The following SETDB2 variants were observed in gnomAD, a reference collection of about 807,000 sequenced individuals.
SETDB2 encodes the protein SET domain bifurcated histone lysine methyltransferase 2.
In SETDB2, 56 loss-of-function variants were observed where a neutral mutation model predicts 82.5. The observed-to-expected ratio is 0.68, with a 90% CI of 0.55 to 0.85. SETDB2 has a LOEUF of 0.85. SETDB2 is among the 40% of genes least tolerant of loss of function. SETDB2 has a pLI of 0.00. For missense variants in SETDB2, 677 were observed against 816.4 expected (o/e 0.83, Z 2.08); for synonymous variants, 272 against 284.9 (o/e 0.95, Z 0.46).
intron 4 of SETDB2, chr13:49,464,173 A>G: frequency 1.4e-6 from 1 of 702,468 alleles, no homozygotes; most frequent in Non-Finnish European, 2.6e-6. Context: ...TAAGTGAAAG[A>G]TTTGTAACAG....
intron 2 of SETDB2, among the ~76,000 whole-genome samples, chr13:49,453,562 C>A (rs751927686): frequency 6.6e-6 from 1 of 151,968 alleles, no homozygotes; most frequent in African/African-American, 2.4e-5. Context: ...CCTCCCAAAG[C>A]GCTGGGATTA....
In SETDB2 at chr13:49,465,718, G is replaced by A. The variant is rs568399639; in HGVS notation, c.209-2146G>A. 3.3e-5 allele frequency among the ~76,000 whole-genome samples: 5 copies of A among 152,212 alleles called. No individual in the cohort carries two copies. The South Asian group carries it at 1.0e-3, about 32-fold the overall frequency. Reference sequence around the variant, plus strand: ...CACCTGGCTAATTTTTGTGTTTTTAGTGGAGACAGGGTTTCACTATGTTGG... The same window carrying A: ...CACCTGGCTAATTTTTGTGTTTTTAATGGAGACAGGGTTTCACTATGTTGG... On this transcript the variant is annotated intron_variant, in intron 4 of 13. Transcript: ENST00000611815.
chr13:49,486,402 G>C (rs61960003), intron 11 of SETDB2, among the ~76,000 whole-genome samples: 4,543 of 152,188 alleles, frequency 0.03, 104 homozygotes, highest in South Asian at 0.091. Context: ...AATCACAACA[G>C]AGACCACCAC....
At chr13:49,484,845 C>T (rs1288886819) in intron 10 of SETDB2, among the ~76,000 whole-genome samples, 1 of 152,184 alleles carries the variant, frequency 6.6e-6, no homozygotes, top group Non-Finnish European at 1.5e-5. Context: ...TAGCTACCTC[C>T]TTAAGGTCAG....
rs1249674519 is a variant in SETDB2, at chr13:49,460,225, C to A, written c.135C>A (p.Thr45=). Residue 45 remains threonine, a synonymous_variant, in exon 3 of 14, where the codon ACC becomes ACA. Coordinates refer to ENST00000611815, the MANE Select transcript of SETDB2 (RefSeq NM_001160308.3). ...AAAAGATCAAAGATGGGTCTGCCAC[C>A]AATAAAGGTATGAAGCAATAAAAAC... ...LKQKIKDGSA[T]NKEYIQAMIL... is the part of the protein sequence containing the mutation. 6 of 1,612,092 alleles carry A rather than the reference C, an allele frequency of 3.7e-6. No homozygotes were observed. The highest frequency in any genetic ancestry group is 5.1e-6 in the Non-Finnish European group (6 of 1,179,354).
chr13:49,472,348 G>A (rs754955785), intron 5 of SETDB2, among the ~76,000 whole-genome samples: 32 of 152,208 alleles, frequency 2.1e-4, no homozygotes, highest in Non-Finnish European at 4.0e-4. Context: ...TAATCAGTTG[G>A]CAGCCTCTAA....
At chr13:49,461,634 CACAAAGCTTCTG>C (rs1412397080) in intron 4 of SETDB2, among the ~76,000 whole-genome samples, 6 of 152,186 alleles carry the variant, frequency 3.9e-5, no homozygotes, top group Non-Finnish European at 5.9e-5. Flanking sequence ...TTTCTCTTCT[CACAAAGCTTCTG>C]ACACCAAATG....
intron 1 of SETDB2, among the ~76,000 whole-genome samples, chr13:49,450,895 A>G (rs1957772710): frequency 6.6e-6 from 1 of 151,322 alleles, no homozygotes; most frequent in African/African-American, 2.4e-5. Flanking sequence ...TATACTAAAA[A>G]TTAATCTATA....
At chr13:49,461,418 C>G (rs908423695) in intron 4 of SETDB2, among the ~76,000 whole-genome samples, 16 of 152,196 alleles carry the variant, frequency 1.1e-4, no homozygotes, top group African/African-American at 3.9e-4. Context: ...GAAAAAAAGA[C>G]TTTCTTATAT....
At chr13:49,457,800 T>G (rs1224515884) in intron 2 of SETDB2, among the ~76,000 whole-genome samples, 1 of 152,182 alleles carries the variant, frequency 6.6e-6, no homozygotes, top group Non-Finnish European at 1.5e-5. Flanking sequence ...TCACAGCTTT[T>G]TTTTCCTCAG....
At chr13:49,475,140 T>A (rs774371982) in intron 5 of SETDB2, among the ~76,000 whole-genome samples, 1 of 152,154 alleles carries the variant, frequency 6.6e-6, no homozygotes, top group Non-Finnish European at 1.5e-5. Flanking sequence ...GCAAGTCACA[T>A]CTTACATAGA....
chr13:49,472,986 T>A (rs1170551560), intron 5 of SETDB2, among the ~76,000 whole-genome samples: 2 of 152,190 alleles, frequency 1.3e-5, no homozygotes, highest in African/African-American at 4.8e-5. Context: ...CTATTACAAA[T>A]TTTAGTCCTA....
At chr13:49,478,462 A>G (rs1958416151) in intron 6 of SETDB2, among the ~76,000 whole-genome samples, 2 of 152,222 alleles carry the variant, frequency 1.3e-5, no homozygotes, top group Admixed American at 6.5e-5. Context: ...AGCAGCACAC[A>G]GGACTAAACC....
intron 6 of SETDB2, among the ~76,000 whole-genome samples, chr13:49,478,812 G>C (rs972203037): frequency 1.3e-5 from 2 of 152,126 alleles, no homozygotes; most frequent in African/African-American, 2.4e-5. Context: ...TGTAGTCCCA[G>C]CTAGTCGGGA....
In SETDB2 at chr13:49,490,931, A is replaced by T. The variant is rs753393538; in HGVS notation, c.2006+21A>T. ...AACAGGTTTGAAATTGATTTCGCTTACTTAATTCTGAAATTGTGACTTTAA... is the reference window on the plus strand; with the variant it reads ...AACAGGTTTGAAATTGATTTCGCTTTCTTAATTCTGAAATTGTGACTTTAA... On this transcript the variant is annotated intron_variant, in intron 13 of 13. Coordinates refer to ENST00000611815, the MANE Select transcript of SETDB2 (RefSeq NM_001160308.3). The T allele has an allele frequency of 2.5e-5, 39 of 1,581,094 alleles. 1 individual carries two copies. In the South Asian group the frequency reaches 3.1e-4, roughly 13 times the overall value.
At chr13:49,481,254 A>T in intron 8 of SETDB2, 138 bp downstream of exon 8, 1 of 712,530 alleles carries the variant, frequency 1.4e-6, no homozygotes, top group East Asian at 2.7e-5. Flanking sequence ...AGAGAAAGGC[A>T]GGTAAACTGG....
At position 49,481,022 on chromosome 13, in the gene SETDB2, A is replaced by G; in HGVS notation, c.1062A>G (p.Gln354=). ...CQNRVVQHGP[Q]VRLQVFKTEQ... is the part of the protein sequence containing the mutation. Reference sequence around the variant, plus strand: ...ACCGAGTTGTCCAACATGGTCCTCAAGTGAGGTTACAGGTGTTCAAAACTG... The same window carrying G: ...ACCGAGTTGTCCAACATGGTCCTCAGGTGAGGTTACAGGTGTTCAAAACTG... The change falls in exon 8 of 14, where the codon CAA becomes CAG. Residue 354 remains glutamine, a synonymous_variant. Transcript: ENST00000611815. 6.2e-7 allele frequency: 1 copy of G among 1,614,212 alleles called. No individual in the cohort carries two copies. The highest frequency in any genetic ancestry group is 8.5e-7 in the Non-Finnish European group (1 of 1,180,002).
At chr13:49,473,008 T>C (rs1401206154) in intron 5 of SETDB2, among the ~76,000 whole-genome samples, 3 of 152,330 alleles carry the variant, frequency 2.0e-5, no homozygotes, top group East Asian at 3.9e-4. Context: ...GTAGTTCTAA[T>C]TGTATATTGT....
At chr13:49,470,492 A>T (rs1228168461) in intron 5 of SETDB2, among the ~76,000 whole-genome samples, 1 of 152,164 alleles carries the variant, frequency 6.6e-6, no homozygotes, top group African/African-American at 2.4e-5. Context: ...GTGGTCACAT[A>T]GGTTGCCTAG....
Sources: allele counts gnomAD v4.1 joint callset (sites outside exome capture counted in the v4.1 genomes callset), GRCh38; gene constraint gnomAD v4.1.1; transcripts MANE v1.5; gene names NCBI Gene and HGNC (gene_info 2026-07-23, HGNC 2026-07-21).